Variants in DDHD1 observed in about 807,000 individuals in gnomAD.
The protein encoded by DDHD1 is DDHD domain containing 1, also known as phospholipase DDHD1.
In DDHD1, 49 loss-of-function variants were observed where a neutral mutation model predicts 96.4. The observed-to-expected ratio is 0.51, with a 90% CI of 0.40 to 0.64. The LOEUF is 0.64. Ranked by LOEUF, DDHD1 falls within the 30% of genes least tolerant of loss-of-function variation. The pLI is 0.00. For missense variants in DDHD1, 1,106 were observed against 1,161.2 expected, an observed-to-expected ratio of 0.95 and a Z score of 0.69; for synonymous variants, 442 against 446.5, an observed-to-expected ratio of 0.99 and a Z score of 0.13.
At chr14:53,103,987 C>T (rs186914652) in intron 1 of DDHD1, 131 bp from the exon 2 acceptor site, 1 of 709,698 alleles carries the variant, frequency 1.4e-6, no homozygotes, top group Admixed American at 3.5e-5. Flanking sequence ...ATACAATCAT[C>T]TAAACTTTTA....
intron 1 of DDHD1, among the ~76,000 whole-genome samples, chr14:53,113,390 CAAAAAAAAA>C (rs60704615): frequency 0.039 from 4,584 of 118,420 alleles, 309 homozygotes; most frequent in African/African-American, 0.16. Flanking sequence ...CTGTACAAGC[CAAAAAAAAA>C]AAAAAAAAAA....
chr14:53,141,064 A>G lies in DDHD1; in HGVS notation c.838+11197T>C, dbSNP rs576591374. 3.9e-4 allele frequency among the ~76,000 whole-genome samples: 60 copies of G among 152,378 alleles called. 1 individual carries two copies. The highest frequency in any genetic ancestry group is 6.8e-3 in the Middle Eastern group (2 of 294). ...ATCTAAAAACAGAGCTTCAAAATACATGAAGCAAAAACCAATATAACTTTA... is the reference window on the plus strand; with the variant it reads ...ATCTAAAAACAGAGCTTCAAAATACGTGAAGCAAAAACCAATATAACTTTA... On this transcript the variant is annotated intron_variant, in intron 1 of 12. Coordinates refer to ENST00000673822, the MANE Select transcript of DDHD1 (RefSeq NM_001160148.2).
intron 10 of DDHD1, among the ~76,000 whole-genome samples, chr14:53,055,108 C>T (rs1017975000): frequency 6.6e-6 from 1 of 152,194 alleles, no homozygotes; most frequent in Admixed American, 6.5e-5. Flanking sequence ...TGGTATTTTA[C>T]ATTAAGGCAA....
intron 1 of DDHD1, 56 bp downstream of exon 1, chr14:53,152,205 C>A (rs1484139505): frequency 2.7e-6 from 4 of 1,491,514 alleles, no homozygotes; most frequent in African/African-American, 2.8e-5. Flanking sequence ...CACACCGGTG[C>A]GCATCGGCCC....
At chr14:53,109,431 C>T (rs1887942737) in intron 1 of DDHD1, among the ~76,000 whole-genome samples, 2 of 150,770 alleles carry the variant, frequency 1.3e-5, no homozygotes, top group Admixed American at 1.3e-4. Context: ...TAAGCCTTTC[C>T]TTACCCAGCT....
At chr14:53,060,999 T>C in intron 8 of DDHD1, 127 bp downstream of exon 8, 3 of 888,880 alleles carry the variant, frequency 3.4e-6, no homozygotes, top group South Asian at 1.6e-5. Context: ...CAACATATAG[T>C]ATATGTTGAA....
intron 1 of DDHD1, among the ~76,000 whole-genome samples, chr14:53,110,339 C>T (rs1414500416): frequency 6.6e-6 from 1 of 152,212 alleles, no homozygotes; most frequent in African/African-American, 2.4e-5. Flanking sequence ...TGCCTACTCA[C>T]AAGCAAGTGT....
At position 53,068,243 on chromosome 14, in the gene DDHD1, C is replaced by CTTTTTTTTTTTTT. The variant is rs55662153; in HGVS notation, c.1503+4341_1503+4353dup. ...CCGCAGCCACTCGGCCTTTATGATA[C>CTTTTTTTTTTTTT]TTTTTTTTTTTTTTTTTTGAGATGG... On this transcript the variant is annotated intron_variant, in intron 6 of 12. Transcript: ENST00000673822. 2.9e-5 allele frequency among the ~76,000 whole-genome samples: 3 copies of CTTTTTTTTTTTTT among 104,478 alleles called. 1 individual carries two copies. Among genetic ancestry groups the CTTTTTTTTTTTTT allele is most frequent in the African/African-American group, 3.9e-5 (1 of 25,708 alleles). The allele number at this position is 104,478 out of a possible 152,430, so 68.5% of individuals were successfully genotyped here. A position where few individuals can be genotyped will look rare whatever the true frequency, so the allele number is the denominator to read the frequency against.
chr14:53,148,054 A>G (rs1004821768), intron 1 of DDHD1, among the ~76,000 whole-genome samples: 2 of 152,232 alleles, frequency 1.3e-5, no homozygotes, highest in Non-Finnish European at 2.9e-5. Context: ...ATATACCACA[A>G]AAACAACTGG....
In DDHD1 at chr14:53,037,765, C is replaced by T. The variant is rs1179700693; in HGVS notation, c.*9003G>A. On this transcript the variant is annotated 3_prime_UTR_variant, in exon 13 of 13. Coordinates refer to ENST00000673822, the MANE Select transcript of DDHD1 (RefSeq NM_001160148.2). ...CCACTTGCCAATTTCTGTTTTGTTG[C>T]AATTGCCTTTGGGGACTTAGCCAAA... 2 of 152,094 alleles carry T rather than the reference C, an allele frequency of 1.3e-5. No homozygotes were observed. The highest frequency in any genetic ancestry group is 2.9e-5 in the Non-Finnish European group (2 of 68,014). The allele number at this position is 152,094 out of a possible 1,614,324, so 9.4% of individuals were successfully genotyped here.
At chr14:53,064,429 T>C (rs1357218018) in intron 6 of DDHD1, among the ~76,000 whole-genome samples, 2 of 152,052 alleles carry the variant, frequency 1.3e-5, no homozygotes, top group African/African-American at 4.8e-5. Context: ...ACCAGCTTAC[T>C]CCCATATTAA....
intron 11 of DDHD1, chr14:53,052,490 TA>T (rs1197588719): frequency 6.6e-6 from 1 of 152,124 alleles, no homozygotes; most frequent in Non-Finnish European, 1.5e-5. Context: ...CAGAATCACC[TA>T]ATCACAATGA....
At chr14:53,104,149 G>A (rs1417675045) in intron 1 of DDHD1, among the ~76,000 whole-genome samples, 1 of 152,058 alleles carries the variant, frequency 6.6e-6, no homozygotes, top group Non-Finnish European at 1.5e-5. Context: ...GCCCAGACTG[G>A]TCTGACTGGT....
chr14:53,102,479 T>C (rs887175581), intron 2 of DDHD1, among the ~76,000 whole-genome samples: 12 of 152,076 alleles, frequency 7.9e-5, no homozygotes, highest in African/African-American at 2.9e-4. Flanking sequence ...ATCTGGCACA[T>C]AAAAGACAAC....
chr14:53,056,384 G>A lies in DDHD1; in HGVS notation c.1993-472C>T, dbSNP rs185358232. Reference sequence around the variant, plus strand: ...AAGTAGCAATGAGACAGCAGAAAAGGCAATGGATACGGCATCAGAATCCCC... The same window carrying A: ...AAGTAGCAATGAGACAGCAGAAAAGACAATGGATACGGCATCAGAATCCCC... On this transcript the variant is annotated intron_variant, in intron 9 of 12. Coordinates refer to ENST00000673822, the MANE Select transcript of DDHD1 (RefSeq NM_001160148.2). Among the ~76,000 whole-genome samples the A allele has an allele frequency of 2.0e-5, 3 of 152,258 alleles. No homozygotes were observed. The East Asian group carries it at 5.8e-4, about 29-fold the overall frequency.
rs1226510861 is a variant in DDHD1 at position 53,040,999 on chromosome 14, T to C, written c.*5769A>G. Reference sequence around the variant, plus strand: ...AGAACCAGAAAATGGTTATAATTTTTTGTCATGAAGCTCAAAGGGAAACAA... The same window carrying C: ...AGAACCAGAAAATGGTTATAATTTTCTGTCATGAAGCTCAAAGGGAAACAA... On this transcript the variant is annotated 3_prime_UTR_variant, in exon 13 of 13. Transcript: ENST00000673822. 6.6e-6 allele frequency: 1 copy of C among 151,972 alleles called. No homozygotes were observed. The highest frequency in any genetic ancestry group is 2.4e-5 in the African/African-American group (1 of 41,374). 9.4% of individuals were successfully genotyped at this position (151,972 alleles called of 1,614,324 possible).
At chr14:53,149,438 G>A (rs578003451) in intron 1 of DDHD1, among the ~76,000 whole-genome samples, 3 of 152,308 alleles carry the variant, frequency 2.0e-5, no homozygotes, top group South Asian at 4.1e-4. Flanking sequence ...GCAACGTATA[G>A]TATGAGTTTT....
intron 4 of DDHD1, among the ~76,000 whole-genome samples, chr14:53,086,423 AG>A (rs771730154): frequency 1.3e-5 from 2 of 152,232 alleles, no homozygotes; most frequent in Non-Finnish European, 2.9e-5. Context: ...TTACCCACAA[AG>A]GGAAGCCCAT....
chr14:53,131,907 A>C (rs1375619962), intron 1 of DDHD1, among the ~76,000 whole-genome samples: 2 of 152,090 alleles, frequency 1.3e-5, no homozygotes, highest in African/African-American at 2.4e-5. Flanking sequence ...CTTCATGAAA[A>C]CATGCATGCT....
Sources: gnomAD v4.1 joint callset for allele counts (sites outside exome capture counted in the v4.1 genomes callset) on GRCh38, gnomAD v4.1.1 for gene constraint, MANE v1.5 for transcripts, NCBI Gene and HGNC (gene_info 2026-07-23, HGNC 2026-07-21) for gene names.